PCDHGB5: variants seen among roughly 807,000 people sequenced by gnomAD.
The protein encoded by PCDHGB5 is protocadherin gamma-B5.
A neutral mutation model predicts 62.9 loss-of-function variants in PCDHGB5; 48 were observed. The observed-to-expected ratio is 0.76, with a 90% CI of 0.61 to 0.97. The LOEUF (loss-of-function observed/expected upper bound fraction) is 0.97. Among genes scored for constraint, PCDHGB5 ranks in the 50% least tolerant of loss-of-function variants. The pLI is 0.00. For missense variants in PCDHGB5, 1,118 were observed against 1,198.6 expected, an observed-to-expected ratio of 0.93 and a Z score of 0.99; for synonymous variants, 474 against 511.2, an observed-to-expected ratio of 0.93 and a Z score of 0.98.
At chr5:141,410,302 A>G (rs1332359508) in intron 1 of PCDHGB5, 1 of 1,613,356 alleles carries the variant, frequency 6.2e-7, no homozygotes, top group Non-Finnish European at 8.5e-7. Context: ...CCTTAATCTC[A>G]GTGCTCTTCC....
chr5:141,475,947 C>A, intron 1 of PCDHGB5: 1 of 748,120 alleles, frequency 1.3e-6, no homozygotes, highest in Non-Finnish European at 2.1e-6. Context: ...CGTCCCCTTT[C>A]TGCGCCCCGG....
chr5:141,498,437 G>C (rs996627716), intron 2 of PCDHGB5, among the ~76,000 whole-genome samples: 1 of 152,170 alleles, frequency 6.6e-6, no homozygotes, highest in Non-Finnish European at 1.5e-5. Flanking sequence ...GGGATGAAGA[G>C]GAGAGGTTCC....
chr5:141,500,139 CT>C (rs2099796692), intron 2 of PCDHGB5, among the ~76,000 whole-genome samples: 2 of 151,768 alleles, frequency 1.3e-5, no homozygotes, highest in East Asian at 3.9e-4. Context: ...TCTTTCTAAA[CT>C]TTTCTTTGTG....
At chr5:141,451,945 C>T (rs906800803) in intron 1 of PCDHGB5, among the ~76,000 whole-genome samples, 1 of 151,970 alleles carries the variant, frequency 6.6e-6, no homozygotes, top group Non-Finnish European at 1.5e-5. Flanking sequence ...AGGGAAAGAC[C>T]GAGAAAGTGA....
At chr5:141,403,701 A>C in intron 1 of PCDHGB5, 2 of 1,613,934 alleles carry the variant, frequency 1.2e-6, no homozygotes, top group South Asian at 2.2e-5. Flanking sequence ...TACCGAGTTA[A>C]AGTCCTTGAG....
At position 141,487,344 on chromosome 5, in the gene PCDHGB5, C is replaced by T. The variant is rs1232854025; in HGVS notation, c.2398-7463C>T. On this transcript the variant is annotated intron_variant, in intron 1 of 3. Coordinates refer to ENST00000617380, the MANE Select transcript of PCDHGB5 (RefSeq NM_018925.3). This position sits in a 1 kb window ranked among gnomAD's most constrained non-coding sequence, Gnocchi z 5.0. ...CTTCGTGGGGCAGCCTGTGGAGTCA[C>T]ATGCTTTCCTGCTGGCACCTGTGCC... 3 of 1,614,208 alleles carry T rather than the reference C, an allele frequency of 1.9e-6. No individual in the cohort carries two copies. The highest frequency in any genetic ancestry group is 3.3e-5 in the Admixed American group (2 of 60,024).
In PCDHGB5 at chr5:141,405,080, A is replaced by T. The variant is rs1382053021; in HGVS notation, c.2397+4556A>T. 2.5e-6 allele frequency: 4 copies of T among 1,613,560 alleles called. No individual in the cohort carries two copies. In the East Asian group the frequency reaches 6.7e-5, roughly 27 times the overall value. On this transcript the variant is annotated intron_variant, in intron 1 of 3. Coordinates refer to ENST00000617380, the MANE Select transcript of PCDHGB5 (RefSeq NM_018925.3). ...CTGTGTCTTCCTCACCTTCGTTATC[A>T]CGCTGCTGGCCCTCAGGCTGAGGCA...
chr5:141,427,798 T>A, intron 1 of PCDHGB5: 1 of 1,506,550 alleles, frequency 6.6e-7, no homozygotes. Context: ...TACGTGTCCG[T>A]GAGCGCACAG....
chr5:141,505,335 A>G, intron 2 of PCDHGB5, 58 bp from the exon 3 acceptor site: 1 of 1,611,086 alleles, frequency 6.2e-7, no homozygotes, highest in Non-Finnish European at 8.5e-7. Flanking sequence ...AGAGGACAGG[A>G]GGGGCATGAG....
chr5:141,421,923 G>T (rs2096611568), intron 1 of PCDHGB5: 1 of 1,613,590 alleles, frequency 6.2e-7, no homozygotes. Flanking sequence ...TTCGTGTGGT[G>T]GTCCTCGATG....
intron 1 of PCDHGB5, among the ~76,000 whole-genome samples, chr5:141,462,678 T>G (rs923728894): frequency 1.3e-5 from 2 of 152,210 alleles, no homozygotes; most frequent in South Asian, 4.1e-4. Flanking sequence ...TTCTTTAAAT[T>G]TTTGAGCACA....
chr5:141,456,942 A>C (rs11737987), intron 1 of PCDHGB5, among the ~76,000 whole-genome samples: 42,405 of 152,066 alleles, frequency 0.28, 6,638 homozygotes, highest in African/African-American at 0.43. Flanking sequence ...CAGCCTGGGC[A>C]ACAGAGCAAA....
intron 1 of PCDHGB5, chr5:141,403,757 C>G (rs1326659106): frequency 6.2e-7 from 1 of 1,613,766 alleles, no homozygotes; most frequent in Non-Finnish European, 8.5e-7. Flanking sequence ...AGCCAGCGAC[C>G]TGGATGAGGG....
At chr5:141,422,330 CTCT>C in intron 1 of PCDHGB5, 1 of 1,548,166 alleles carries the variant, frequency 6.5e-7, no homozygotes, top group East Asian at 2.2e-5. Context: ...ACAGTGATTG[CTCT>C]TCTAAATGTG....
At chr5:141,469,994 C>T (rs948868787) in intron 1 of PCDHGB5, among the ~76,000 whole-genome samples, 2 of 151,830 alleles carry the variant, frequency 1.3e-5, no homozygotes, top group Non-Finnish European at 1.5e-5. Flanking sequence ...AGCTGGTCGT[C>T]GTGGCACGCC....
intron 1 of PCDHGB5, chr5:141,403,099 C>T (rs762392585): frequency 2.5e-6 from 4 of 1,613,938 alleles, no homozygotes; most frequent in Non-Finnish European, 2.5e-6. Flanking sequence ...GCAACATCTC[C>T]AAGGACCTGG....
Position 141,405,346 on chromosome 5 carries a change from G to T in PCDHGB5, c.2397+4822G>T, listed in dbSNP as rs184640789. 60 of 1,614,108 alleles carry T rather than the reference G, an allele frequency of 3.7e-5. No individual in the cohort carries two copies. The East Asian group carries it at 1.3e-3, about 35-fold the overall frequency. The stretch of plus-strand genomic sequence containing the variant: ...CTTTGTGCGTCTCTGTTGATTCCAA[G>T]TTTCCTATAGAAGACACCCCTTTGG... On this transcript the variant is annotated intron_variant, in intron 1 of 3. Transcript: ENST00000617380.
In PCDHGB5 at chr5:141,487,818, G is replaced by A. The variant is rs1009237001; in HGVS notation, c.2398-6989G>A. On this transcript the variant is annotated intron_variant, in intron 1 of 3. Coordinates refer to ENST00000617380, the MANE Select transcript of PCDHGB5 (RefSeq NM_018925.3). This position sits in a 1 kb window ranked among gnomAD's most constrained non-coding sequence, Gnocchi z 5.0. ...GAGTTGTCACAGTTTAGCATTGGGG[G>A]CGGGTCATGCCTATATCTGAGTAAG... The A allele has an allele frequency of 1.2e-4, 158 of 1,331,596 alleles. No homozygotes were observed. The highest frequency in any genetic ancestry group is 1.4e-4 in the Non-Finnish European group (140 of 970,524). 82.5% of individuals were successfully genotyped at this position (1,331,596 alleles called of 1,614,324 possible). A position where few individuals can be genotyped will look rare whatever the true frequency, so the allele number is the denominator to read the frequency against.
chr5:141,430,471 T>TA (rs759564776), intron 1 of PCDHGB5: 176 of 234,152 alleles, frequency 7.5e-4, no homozygotes, highest in Non-Finnish European at 1.1e-3. Context: ...TGGAGCTATT[T>TA]AAGATATAAA....
Sources: gnomAD v4.1 joint callset for allele counts (sites outside exome capture counted in the v4.1 genomes callset) on GRCh38, gnomAD v4.1.1 for gene constraint, Gnocchi (gnomAD v3.1) non-coding constraint, MANE v1.5 for transcripts, NCBI Gene and HGNC (gene_info 2026-07-23, HGNC 2026-07-21) for gene names.